The following GPC4 variants were observed in gnomAD, a reference collection of about 807,000 sequenced individuals.
GPC4 encodes glypican-4.
In GPC4, 10 loss-of-function variants were observed where a neutral mutation model predicts 35.0. The ratio of observed to expected loss-of-function variants is 0.29; its 90% CI spans 0.18 to 0.48. The LOEUF is 0.48. GPC4 is among the 20% of genes least tolerant of loss of function. The pLI is 0.99. For missense variants in GPC4, 322 were observed against 451.3 expected (o/e 0.71, Z 2.60); for synonymous variants, 167 against 170.2 (o/e 0.98, Z 0.15).
intron 1 of GPC4, 62 bp from the exon 2 acceptor site, chrX:133,339,403 G>A (rs1278286095): frequency 9.3e-7 from 1 of 1,079,574 alleles, no homozygotes; most frequent in African/African-American, 1.8e-5. Context: ...AAGAGGGAAA[G>A]GTTTGATTTA....
intron 1 of GPC4, among the ~76,000 whole-genome samples, chrX:133,352,036 A>G (rs938481344): frequency 1.8e-5 from 2 of 111,910 alleles, no homozygotes; most frequent in African/African-American, 6.5e-5. Flanking sequence ...GTTGTTCTCT[A>G]GGCTTTTTCT....
chrX:133,364,639 T>C (rs1283183872), intron 1 of GPC4, among the ~76,000 whole-genome samples: 4 of 112,497 alleles, frequency 3.6e-5, no homozygotes, highest in Non-Finnish European at 3.8e-5. Context: ...ACACACATAA[T>C]TGTAAAAGTA....
At chrX:133,309,869 T>C (rs1487756715) in intron 4 of GPC4, among the ~76,000 whole-genome samples, 1 of 112,163 alleles carries the variant, frequency 8.9e-6, no homozygotes, top group Admixed American at 9.5e-5. Context: ...CAACAATTTC[T>C]CCCATGGCTT....
intron 1 of GPC4, among the ~76,000 whole-genome samples, chrX:133,387,777 A>C (rs1182471907): frequency 8.9e-6 from 1 of 111,913 alleles, no homozygotes; most frequent in Non-Finnish European, 1.9e-5. Context: ...TACATGGTAC[A>C]TTGGACTTCT....
rs1396685438 is a variant in GPC4 at position 133,415,126 on chromosome X, G to A, written c.-161C>T. The A allele has an allele frequency of 7.9e-6, 4 of 507,440 alleles. No individual in the cohort carries two copies. Among genetic ancestry groups the A allele is most frequent in the Admixed American group, 7.8e-5 (2 of 25,789 alleles). 41.8% of individuals were successfully genotyped at this position (507,440 alleles called of 1,213,427 possible). On this transcript the variant is annotated 5_prime_UTR_variant, in exon 1 of 9. Coordinates refer to ENST00000370828, the MANE Select transcript of GPC4 (RefSeq NM_001448.3). ...AGGCGAGCAGGCGGAGGAGACGCGG[G>A]GCGAAAAGTAGAGCTGGGCCTCGCG...
intron 2 of GPC4, among the ~76,000 whole-genome samples, chrX:133,325,696 A>G (rs950424154): frequency 8.9e-6 from 1 of 112,392 alleles, no homozygotes; most frequent in African/African-American, 3.2e-5. Context: ...TATGGAACAG[A>G]AAAGAAAATA....
rs1022003839 is a variant in GPC4 at position 133,302,513 on chromosome X, C to T, written c.*354G>A. 1.3e-5 allele frequency: 2 copies of T among 149,322 alleles called. No homozygotes were observed. The highest frequency in any genetic ancestry group is 6.3e-5 in the African/African-American group (2 of 31,674). The allele number at this position is 149,322 out of a possible 1,213,427, so 12.3% of individuals were successfully genotyped here. A position where few individuals can be genotyped will look rare whatever the true frequency, so the allele number is the denominator to read the frequency against. On this transcript the variant is annotated 3_prime_UTR_variant, in exon 9 of 9. Coordinates refer to ENST00000370828, the MANE Select transcript of GPC4 (RefSeq NM_001448.3). ...GGGACCCTGGTTTGCTTGTAAGAAA[C>T]AAGGCGAGATCACAGTTGGAAAAAA...
intron 1 of GPC4, among the ~76,000 whole-genome samples, chrX:133,409,264 G>A (rs1481959475): frequency 1.0e-5 from 1 of 99,198 alleles, no homozygotes; most frequent in Non-Finnish European, 2.0e-5. Flanking sequence ...CAGAGGTTGC[G>A]ATGAGGCAAG....
chrX:133,305,752 C>T lies in GPC4; in HGVS notation c.1155+20G>A, dbSNP rs946005861. On this transcript the variant is annotated intron_variant, in intron 6 of 8. Transcript: ENST00000370828. ...CAGTTCTTTGTCATTAAACACGGCCCTTCCTGCCAAAACGCTCACCAGTCG... is the reference window on the plus strand; with the variant it reads ...CAGTTCTTTGTCATTAAACACGGCCTTTCCTGCCAAAACGCTCACCAGTCG... 4 of 1,206,688 alleles carry T rather than the reference C, an allele frequency of 3.3e-6. No homozygotes were observed. In the African/African-American group the frequency reaches 7.0e-5, roughly 21 times the overall value.
chrX:133,306,850 T>C (rs2068293186), intron 4 of GPC4, among the ~76,000 whole-genome samples: 1 of 112,100 alleles, frequency 8.9e-6, no homozygotes, highest in Non-Finnish European at 1.9e-5. Flanking sequence ...GTACACAAAA[T>C]TAGTGGGCTC....
intron 6 of GPC4, 31 bp downstream of exon 6, chrX:133,305,741 T>C: frequency 8.3e-7 from 1 of 1,205,366 alleles, no homozygotes; most frequent in Non-Finnish European, 1.1e-6. Flanking sequence ...TCTTTGTCAT[T>C]AAACACGGCC....
intron 1 of GPC4, among the ~76,000 whole-genome samples, chrX:133,379,286 G>A (rs2068649986): frequency 8.9e-6 from 1 of 112,271 alleles, no homozygotes; most frequent in African/African-American, 3.2e-5. Context: ...AGTGCCAGTA[G>A]ATTACGCTAA....
At chrX:133,350,181 C>A (rs1242466241) in intron 1 of GPC4, among the ~76,000 whole-genome samples, 2 of 111,132 alleles carry the variant, frequency 1.8e-5, no homozygotes, top group Non-Finnish European at 3.8e-5. Flanking sequence ...ATCTAGAAAG[C>A]CTTTATGTAA....
At position 133,415,181 on chromosome X, in the gene GPC4, G is replaced by T. The variant is rs1411235611; in HGVS notation, c.-216C>A. 2.5e-6 allele frequency: 1 copy of T among 399,404 alleles called. No individual in the cohort carries two copies. The highest frequency in any genetic ancestry group is 4.3e-6 in the Non-Finnish European group (1 of 232,749). The allele number at this position is 399,404 out of a possible 1,213,427, so 32.9% of individuals were successfully genotyped here. ...GCAACGGTCCCCGGTGCCAGGCGCC[G>T]GGCCAGGGGAGAAGGAGGGCGTGGA... On this transcript the variant is annotated 5_prime_UTR_variant, in exon 1 of 9. Coordinates refer to ENST00000370828, the MANE Select transcript of GPC4 (RefSeq NM_001448.3).
chrX:133,362,937 C>G (rs1253000169), intron 1 of GPC4, among the ~76,000 whole-genome samples: 1 of 111,590 alleles, frequency 9.0e-6, no homozygotes, highest in Non-Finnish European at 1.9e-5. Context: ...AAAAGCCAGG[C>G]TGACGGTAGA....
chrX:133,383,636 A>G (rs1279953267), intron 1 of GPC4, among the ~76,000 whole-genome samples: 3 of 111,230 alleles, frequency 2.7e-5, no homozygotes, highest in Non-Finnish European at 5.7e-5. Context: ...TCTTGAGGCC[A>G]GGAGATCGAG....
At chrX:133,352,476 G>T (rs759456020) in intron 1 of GPC4, among the ~76,000 whole-genome samples, 1 of 109,120 alleles carries the variant, frequency 9.2e-6, no homozygotes, top group East Asian at 2.9e-4. Flanking sequence ...TCATTTCCTT[G>T]GTTTGACAAA....
chrX:133,362,146 C>G (rs1299906338), intron 1 of GPC4, among the ~76,000 whole-genome samples: 1 of 106,944 alleles, frequency 9.4e-6, no homozygotes, highest in Non-Finnish European at 1.9e-5. Flanking sequence ...CCCAGGAGGT[C>G]GAGGCTTCAG....
chrX:133,406,550 C>A (rs1324141245), intron 1 of GPC4, among the ~76,000 whole-genome samples: 1 of 108,389 alleles, frequency 9.2e-6, no homozygotes, highest in Non-Finnish European at 1.9e-5. Context: ...GAGTTCGAGA[C>A]CAGCCTGGCC....
Sources: allele counts gnomAD v4.1 joint callset (sites outside exome capture counted in the v4.1 genomes callset), GRCh38; gene constraint gnomAD v4.1.1; transcripts MANE v1.5; gene names NCBI Gene and HGNC (gene_info 2026-07-23, HGNC 2026-07-21).